The following PRELID2 variants were observed in gnomAD, a reference collection of about 807,000 sequenced individuals.
PRELID2 encodes the protein PRELI domain-containing protein 2.
Under a neutral mutation model 28.4 loss-of-function variants are expected in PRELID2, and 25 were observed. The ratio of observed to expected loss-of-function variants is 0.88; its 90% CI spans 0.64 to 1.23. The LOEUF is 1.23. Ranked by LOEUF, PRELID2 falls within the 50% of genes most tolerant of loss-of-function variation. The pLI, the probability that PRELID2 is intolerant of heterozygous loss-of-function variation, is 0.00. For synonymous variants in PRELID2, 76 were observed against 71.6 expected (o/e 1.06, Z -0.31); for missense variants, 201 against 214.4 (o/e 0.94, Z 0.39).
exon 2 of PRELID2, chr5:145,473,285 A>G (rs1467921218): frequency 6.6e-6 from 1 of 152,122 alleles, no homozygotes; most frequent in South Asian, 2.1e-4. Flanking sequence ...AATCACATAC[A>G]TTTTCCAGTC....
At chr5:145,678,849 AG>A (rs1754876302) in intron 1 of PRELID2, among the ~76,000 whole-genome samples, 1 of 152,210 alleles carries the variant, frequency 6.6e-6, no homozygotes, top group South Asian at 2.1e-4. Flanking sequence ...GCAAGTACAG[AG>A]TAATCTTTTC....
chr5:145,416,373 T>C, the PRELID2 span, among the ~76,000 whole-genome samples: 3 of 152,054 alleles, frequency 2.0e-5, no homozygotes, highest in South Asian at 6.2e-4. Flanking sequence ...ACTTCATGTC[T>C]AAAACACCAA....
At chr5:145,774,352 A>C (rs1758280392) in intron 5 of PRELID2, among the ~76,000 whole-genome samples, 1 of 152,182 alleles carries the variant, frequency 6.6e-6, no homozygotes, top group Non-Finnish European at 1.5e-5. Context: ...TACCTCACTG[A>C]ATGTGTTTCT....
chr5:145,825,216 ACT>A (rs1365057286), intron 1 of PRELID2, among the ~76,000 whole-genome samples: 1 of 107,806 alleles, frequency 9.3e-6, no homozygotes, highest in African/African-American at 3.7e-5. Context: ...ATAGAGTGAG[ACT>A]CTGTCTCAAA....
At chr5:145,627,968 T>C (rs1753874820) in intron 1 of PRELID2, among the ~76,000 whole-genome samples, 1 of 152,230 alleles carries the variant, frequency 6.6e-6, no homozygotes, top group Admixed American at 6.5e-5. Flanking sequence ...TCAATGTTTA[T>C]TATTTATCCA....
intron 1 of PRELID2, among the ~76,000 whole-genome samples, chr5:145,494,369 T>C (rs1752291622): frequency 1.3e-5 from 2 of 152,214 alleles, no homozygotes; most frequent in Non-Finnish European, 2.9e-5. Context: ...AAAATACTTC[T>C]TTGAAATATT....
the PRELID2 span, among the ~76,000 whole-genome samples, chr5:145,386,317 A>G: frequency 6.6e-6 from 1 of 152,054 alleles, no homozygotes; most frequent in Non-Finnish European, 1.5e-5. Context: ...GGTCCCTCCC[A>G]TGACACAGGT....
chr5:145,674,986 TA>T (rs566451288), intron 1 of PRELID2, among the ~76,000 whole-genome samples: 15 of 151,874 alleles, frequency 9.9e-5, no homozygotes, highest in Middle Eastern at 3.4e-3. Context: ...TCAGTACTAT[TA>T]AAAAATGTTT....
At chr5:145,360,463 C>T in the PRELID2 span, among the ~76,000 whole-genome samples, 3 of 152,136 alleles carry the variant, frequency 2.0e-5, no homozygotes, top group Admixed American at 6.5e-5. Flanking sequence ...TAGGAACAAA[C>T]CCTTACAGTG....
chr5:145,295,603 T>C, the PRELID2 span, among the ~76,000 whole-genome samples: 1 of 152,140 alleles, frequency 6.6e-6, no homozygotes, highest in Non-Finnish European at 1.5e-5. Context: ...AAATAAATGA[T>C]TGAATCATTG....
the PRELID2 span, among the ~76,000 whole-genome samples, chr5:145,332,607 T>A: frequency 6.6e-6 from 1 of 152,094 alleles, no homozygotes; most frequent in Non-Finnish European, 1.5e-5. Context: ...GCTGTGTTAT[T>A]CAGCTACATC....
At chr5:145,349,081 C>A in the PRELID2 span, among the ~76,000 whole-genome samples, 1 of 151,942 alleles carries the variant, frequency 6.6e-6, no homozygotes, top group East Asian at 1.9e-4. Flanking sequence ...TGACCTATGT[C>A]TTTGTGAACA....
intron 5 of PRELID2, among the ~76,000 whole-genome samples, chr5:145,767,602 G>A (rs764971211): frequency 2.6e-5 from 4 of 152,124 alleles, no homozygotes; most frequent in Non-Finnish European, 4.4e-5. Flanking sequence ...CCATAGGCCC[G>A]CACAGAGTTC....
chr5:145,346,330 T>C, the PRELID2 span, among the ~76,000 whole-genome samples: 1 of 152,172 alleles, frequency 6.6e-6, no homozygotes, highest in African/African-American at 2.4e-5. Context: ...ATCTCATATC[T>C]GTTTGATTGC....
chr5:145,827,073 G>C (rs73306058), intron 1 of PRELID2, among the ~76,000 whole-genome samples: 6,322 of 152,248 alleles, frequency 0.042, 434 homozygotes, highest in African/African-American at 0.14. Context: ...AGATCTGTCT[G>C]AAGAGTCCTT....
chr5:145,400,751 C>T, the PRELID2 span, among the ~76,000 whole-genome samples: 1 of 152,138 alleles, frequency 6.6e-6, no homozygotes, highest in African/African-American at 2.4e-5. Flanking sequence ...ACTTTCCAAG[C>T]CTTTCTCTTC....
At chr5:145,780,268 C>T (rs1013408028) in intron 5 of PRELID2, among the ~76,000 whole-genome samples, 30 of 152,150 alleles carry the variant, frequency 2.0e-4, no homozygotes, top group South Asian at 2.1e-4. Flanking sequence ...AGCCAAGATC[C>T]AGCTGGGCAA....
the PRELID2 span, among the ~76,000 whole-genome samples, chr5:145,412,190 C>G: frequency 6.6e-6 from 1 of 152,200 alleles, no homozygotes; most frequent in Non-Finnish European, 1.5e-5. Flanking sequence ...CTGCAGCCGT[C>G]TTGAATTTCT....
At chr5:145,395,479 A>G in the PRELID2 span, among the ~76,000 whole-genome samples, 1 of 152,136 alleles carries the variant, frequency 6.6e-6, no homozygotes, top group Non-Finnish European at 1.5e-5. Context: ...TAGCCGGAAA[A>G]ACAGTGAAAC....
Sources: gnomAD v4.1 joint callset for allele counts (sites outside exome capture counted in the v4.1 genomes callset) on GRCh38, gnomAD v4.1.1 for gene constraint, MANE v1.5 for transcripts, NCBI Gene and HGNC (gene_info 2026-07-23, HGNC 2026-07-21) for gene names.